The following CHCHD3 variants were observed in gnomAD, a reference collection of about 807,000 sequenced individuals.
CHCHD3 encodes the protein MICOS complex subunit MIC19.
A neutral mutation model predicts 38.2 loss-of-function variants in CHCHD3; 20 were observed. The ratio of observed to expected loss-of-function variants is 0.52; its 90% CI spans 0.37 to 0.76. CHCHD3 has a LOEUF of 0.76. Ranked by LOEUF, CHCHD3 falls within the 30% of genes least tolerant of loss-of-function variation. The pLI, the probability that CHCHD3 is intolerant of heterozygous loss-of-function variation, is 0.00. For synonymous variants in CHCHD3, 82 were observed against 100.0 expected, an observed-to-expected ratio of 0.82 and a Z score of 1.07; for missense variants, 245 against 279.2, an observed-to-expected ratio of 0.88 and a Z score of 0.87.
At chr7:132,887,848 T>C (rs1220264265) in intron 4 of CHCHD3, among the ~76,000 whole-genome samples, 1 of 151,932 alleles carries the variant, frequency 6.6e-6, no homozygotes, top group Non-Finnish European at 1.5e-5. Context: ...CTGGTCAGAA[T>C]ATAAATTGGT....
chr7:132,814,023 T>C (rs1807139244), intron 6 of CHCHD3, among the ~76,000 whole-genome samples: 1 of 152,200 alleles, frequency 6.6e-6, no homozygotes, highest in Admixed American at 6.5e-5. Context: ...GGCTGCTACT[T>C]GTGACTAAGC....
chr7:132,913,794 T>C (rs1468621614), intron 4 of CHCHD3, among the ~76,000 whole-genome samples: 1 of 152,064 alleles, frequency 6.6e-6, no homozygotes, highest in Non-Finnish European at 1.5e-5. Context: ...CTGAAGAGAC[T>C]GACAATAACG....
chr7:132,819,072 T>C (rs1585542135), intron 6 of CHCHD3, among the ~76,000 whole-genome samples: 2 of 152,232 alleles, frequency 1.3e-5, no homozygotes, highest in South Asian at 2.1e-4. Flanking sequence ...TATTTAAATA[T>C]GTATTATCCA....
chr7:132,901,569 T>C (rs1270988364), intron 4 of CHCHD3, among the ~76,000 whole-genome samples: 1 of 152,246 alleles, frequency 6.6e-6, no homozygotes, highest in Non-Finnish European at 1.5e-5. Flanking sequence ...TGGCCAGTGA[T>C]GATCAGATCT....
At chr7:132,960,087 T>C (rs974738744) in intron 4 of CHCHD3, among the ~76,000 whole-genome samples, 1 of 152,228 alleles carries the variant, frequency 6.6e-6, no homozygotes, top group Non-Finnish European at 1.5e-5. Context: ...GGAGGCTTTT[T>C]CACTTCAACT....
intron 3 of CHCHD3, among the ~76,000 whole-genome samples, chr7:133,012,334 T>A (rs1041291210): frequency 1.2e-4 from 18 of 152,262 alleles, no homozygotes; most frequent in African/African-American, 4.3e-4. Flanking sequence ...TTGACAGTTT[T>A]ATTTCAAAAC....
chr7:132,814,996 G>A (rs960131373), intron 6 of CHCHD3, among the ~76,000 whole-genome samples: 3 of 152,272 alleles, frequency 2.0e-5, no homozygotes, highest in African/African-American at 7.2e-5. Flanking sequence ...TTTAAGGTCT[G>A]AATAACTGGT....
At chr7:133,037,278 A>T (rs1813705911) in intron 2 of CHCHD3, among the ~76,000 whole-genome samples, 3 of 152,218 alleles carry the variant, frequency 2.0e-5, no homozygotes, top group South Asian at 4.1e-4. Context: ...AAAGATTTAG[A>T]CAATGAGGGA....
intron 6 of CHCHD3, among the ~76,000 whole-genome samples, chr7:132,807,644 T>TATAC (rs1219596444): frequency 8.3e-6 from 1 of 120,252 alleles, no homozygotes; most frequent in Non-Finnish European, 1.7e-5. Context: ...TATATATATA[T>TATAC]ACTTGACATA....
chr7:133,013,516 A>G (rs1299928532), intron 3 of CHCHD3, among the ~76,000 whole-genome samples: 1 of 152,128 alleles, frequency 6.6e-6, no homozygotes, highest in African/African-American at 2.4e-5. Context: ...AGTATTCAAA[A>G]CTGTTAGCTA....
chr7:132,929,903 A>C (rs1334915310), intron 4 of CHCHD3, among the ~76,000 whole-genome samples: 1 of 152,148 alleles, frequency 6.6e-6, no homozygotes, highest in African/African-American at 2.4e-5. Flanking sequence ...CGAATATGGC[A>C]TATTATTTCC....
At chr7:132,941,946 G>A (rs1810776729) in intron 4 of CHCHD3, among the ~76,000 whole-genome samples, 1 of 152,162 alleles carries the variant, frequency 6.6e-6, no homozygotes. Flanking sequence ...TCTCAAAACA[G>A]TTCTCTGAAG....
At chr7:132,859,991 G>GCT (rs1169957579) in intron 5 of CHCHD3, among the ~76,000 whole-genome samples, 1 of 152,070 alleles carries the variant, frequency 6.6e-6, no homozygotes, top group African/African-American at 2.4e-5. Context: ...AAAACACAGG[G>GCT]CTCGGCTCGG....
intron 4 of CHCHD3, among the ~76,000 whole-genome samples, chr7:132,959,989 G>A (rs1384023494): frequency 1.3e-5 from 2 of 152,154 alleles, no homozygotes; most frequent in African/African-American, 2.4e-5. Flanking sequence ...AGTAACAAAC[G>A]TATCTCCAGA....
At chr7:133,012,932 T>C (rs1812922039) in intron 3 of CHCHD3, among the ~76,000 whole-genome samples, 1 of 151,412 alleles carries the variant, frequency 6.6e-6, no homozygotes, top group Non-Finnish European at 1.5e-5. Context: ...ACGCTTGTAA[T>C]CCCACCACTT....
At chr7:133,027,004 C>A (rs1813358922) in intron 2 of CHCHD3, among the ~76,000 whole-genome samples, 1 of 150,834 alleles carries the variant, frequency 6.6e-6, no homozygotes, top group Non-Finnish European at 1.5e-5. Context: ...GTGCCGTGAT[C>A]TTGGCTCACT....
chr7:132,898,672 G>A (rs1809576663), intron 4 of CHCHD3, among the ~76,000 whole-genome samples: 1 of 152,244 alleles, frequency 6.6e-6, no homozygotes, highest in African/African-American at 2.4e-5. Flanking sequence ...GCTCGTCGAG[G>A]AGGCTCGGGC....
At chr7:133,055,190 A>T (rs1814282151) in intron 2 of CHCHD3, among the ~76,000 whole-genome samples, 1 of 150,044 alleles carries the variant, frequency 6.7e-6, no homozygotes, top group Non-Finnish European at 1.5e-5. Flanking sequence ...TATTCTTAAT[A>T]TATAATGATA....
chr7:133,031,012 C>A lies in CHCHD3; in HGVS notation c.170-6385G>T, dbSNP rs145803545. Among the ~76,000 whole-genome samples the A allele has an allele frequency of 3.9e-5, 6 of 152,230 alleles. No homozygotes were observed. In the South Asian group the frequency reaches 1.2e-3, roughly 32 times the overall value. ...CAAATGCTTTGGCTAGTCCAAGGGT[C>A]TTCTTTAAGGTTTGCCTAGGAATCT... is the stretch of plus-strand genomic sequence containing the variant. On this transcript the variant is annotated intron_variant, in intron 2 of 7. Coordinates refer to ENST00000262570, the MANE Select transcript of CHCHD3 (RefSeq NM_017812.4).
Sources: allele counts gnomAD v4.1 joint callset (sites outside exome capture counted in the v4.1 genomes callset), GRCh38; gene constraint gnomAD v4.1.1; transcripts MANE v1.5; gene names NCBI Gene and HGNC (gene_info 2026-07-23, HGNC 2026-07-21).